Variants in COL24A1 observed in about 807,000 individuals in gnomAD.
COL24A1 encodes collagen type XXIV alpha 1 chain.
Under a neutral mutation model 253.9 loss-of-function variants are expected in COL24A1, and 224 were observed. That is an observed-to-expected ratio of 0.88 (90% CI 0.79 to 0.99). The LOEUF is 0.99. COL24A1 is among the 50% of genes least tolerant of loss of function. The pLI is 0.00. For synonymous variants in COL24A1, 685 were observed against 673.7 expected (o/e 1.02, Z -0.26); for missense variants, 2,131 against 2,068.5 (o/e 1.03, Z -0.59).
intron 5 of COL24A1, among the ~76,000 whole-genome samples, chr1:86,109,934 C>T (rs1461084796): frequency 6.6e-6 from 1 of 152,138 alleles, no homozygotes; most frequent in Non-Finnish European, 1.5e-5. Flanking sequence ...TGTGATGACA[C>T]ATTGAGAAGG....
At chr1:85,813,433 A>AAG (rs1672742514) in intron 47 of COL24A1, among the ~76,000 whole-genome samples, 1 of 150,602 alleles carries the variant, frequency 6.6e-6, no homozygotes, top group South Asian at 2.1e-4. Flanking sequence ...GAAAAAAAAA[A>AAG]AAGAAGCCAA....
At chr1:86,149,394 T>A (rs1652414712) in intron 1 of COL24A1, among the ~76,000 whole-genome samples, 1 of 152,252 alleles carries the variant, frequency 6.6e-6, no homozygotes, top group Non-Finnish European at 1.5e-5. Flanking sequence ...ATTTAGAGCT[T>A]GAGTAAGGAG....
chr1:85,924,643 A>ATAAAC (rs1288394784), intron 24 of COL24A1, among the ~76,000 whole-genome samples: 1 of 152,214 alleles, frequency 6.6e-6, no homozygotes, highest in Non-Finnish European at 1.5e-5. Context: ...AAAACTCTCA[A>ATAAAC]TAAACTAGGT....
chr1:86,095,268 T>C (rs941240314), intron 5 of COL24A1, among the ~76,000 whole-genome samples: 2 of 152,092 alleles, frequency 1.3e-5, no homozygotes, highest in African/African-American at 4.8e-5. Flanking sequence ...AAGTAATCAA[T>C]TGAACAATAA....
intron 28 of COL24A1, among the ~76,000 whole-genome samples, chr1:85,905,289 C>G (rs1684693603): frequency 6.6e-6 from 1 of 152,042 alleles, no homozygotes; most frequent in African/African-American, 2.4e-5. Flanking sequence ...GACCAATATT[C>G]TCATTTTTTG....
rs1205624788 is a variant in COL24A1 at position 85,772,912 on chromosome 1, G to A, written c.4374+2762C>T. On this transcript the variant is annotated intron_variant, in intron 53 of 59. Coordinates refer to ENST00000370571, the MANE Select transcript of COL24A1 (RefSeq NM_152890.7). ...GTCAATTTTGGCTTTTGTTGTCATTGCTTTTGGTGTTTCAGAGATGAAGTC... is the reference window on the plus strand; with the variant it reads ...GTCAATTTTGGCTTTTGTTGTCATTACTTTTGGTGTTTCAGAGATGAAGTC... Among the ~76,000 whole-genome samples the A allele has an allele frequency of 3.3e-5, 5 of 152,104 alleles. No individual in the cohort carries two copies. In the East Asian group the frequency reaches 5.8e-4, roughly 18 times the overall value.
At chr1:85,817,074 A>C (rs941694325) in intron 46 of COL24A1, among the ~76,000 whole-genome samples, 179 bp from the exon 47 acceptor site, 5 of 152,186 alleles carry the variant, frequency 3.3e-5, no homozygotes, top group Non-Finnish European at 7.3e-5. Flanking sequence ...TAACTTTAAA[A>C]GTTTAAAAGC....
At chr1:86,026,464 A>G (rs1368295079) in intron 14 of COL24A1, among the ~76,000 whole-genome samples, 4 of 152,102 alleles carry the variant, frequency 2.6e-5, no homozygotes, top group African/African-American at 9.7e-5. Flanking sequence ...AGGCTCATGA[A>G]ATCTGATGGT....
chr1:85,925,031 GACAA>G (rs1420097912), intron 24 of COL24A1, among the ~76,000 whole-genome samples: 8 of 152,046 alleles, frequency 5.3e-5, no homozygotes, highest in African/African-American at 1.5e-4. Flanking sequence ...ACCAATAACA[GACAA>G]ACAGAGAGCC....
chr1:85,924,986 A>T (rs923280664), intron 24 of COL24A1, among the ~76,000 whole-genome samples: 2 of 152,232 alleles, frequency 1.3e-5, no homozygotes, highest in South Asian at 4.1e-4. Flanking sequence ...TTAGGATACA[A>T]AATCAATGTG....
intron 20 of COL24A1, among the ~76,000 whole-genome samples, chr1:85,980,554 A>T (rs1693149573): frequency 6.6e-6 from 1 of 152,224 alleles, no homozygotes; most frequent in Non-Finnish European, 1.5e-5. Flanking sequence ...CTGAGAATAA[A>T]AATCAAGAAC....
chr1:85,866,546 G>A (rs529589395), intron 37 of COL24A1, among the ~76,000 whole-genome samples: 78 of 152,134 alleles, frequency 5.1e-4, no homozygotes, highest in African/African-American at 1.7e-3. Flanking sequence ...GGCCGAGTCC[G>A]GTGGATCACT....
rs1558752713 is a variant in COL24A1, at chr1:85,945,019, T to TTTTG, written c.2562+16229_2562+16230insCAAA. 2.4e-3 allele frequency among the ~76,000 whole-genome samples: 176 copies of TTTTG among 73,316 alleles called. 1 individual carries two copies. Among genetic ancestry groups the TTTTG allele is most frequent in the East Asian group, 0.01 (17 of 1,664 alleles). 48.1% of individuals were successfully genotyped at this position (73,316 alleles called of 152,430 possible). ...ATCATTGTGTTTTTTTTTTTTTTTTTTTTTTTTTTTTTTTTTGAGACAGAG... is the reference window on the plus strand; with the variant it reads ...ATCATTGTGTTTTTTTTTTTTTTTTTTTTGTTTTTTTTTTTTTTTTGAGACAGAG... On this transcript the variant is annotated intron_variant, in intron 24 of 59. Coordinates refer to ENST00000370571, the MANE Select transcript of COL24A1 (RefSeq NM_152890.7).
intron 37 of COL24A1, among the ~76,000 whole-genome samples, chr1:85,864,474 T>C (rs61785082): frequency 1.3e-5 from 2 of 152,040 alleles, no homozygotes; most frequent in Non-Finnish European, 2.9e-5. Context: ...CACACCAACA[T>C]GGCACATGTA....
At chr1:85,793,572 G>A (rs1670517208) in intron 47 of COL24A1, among the ~76,000 whole-genome samples, 1 of 152,126 alleles carries the variant, frequency 6.6e-6, no homozygotes, top group South Asian at 2.1e-4. Context: ...AGTTGCTTGT[G>A]CCTCATCCTA....
At chr1:85,738,631 A>T (rs1007629200) in intron 57 of COL24A1, among the ~76,000 whole-genome samples, 3 of 152,240 alleles carry the variant, frequency 2.0e-5, no homozygotes, top group Non-Finnish European at 4.4e-5. Context: ...GTTTTCCTGC[A>T]TTAAAAACGC....
intron 24 of COL24A1, among the ~76,000 whole-genome samples, chr1:85,911,913 G>T (rs1685409837): frequency 1.3e-5 from 2 of 152,092 alleles, no homozygotes; most frequent in African/African-American, 2.4e-5. Context: ...TGGTTGCTAA[G>T]ATTTCATTAC....
At chr1:85,803,624 C>T (rs1644412860) in intron 47 of COL24A1, among the ~76,000 whole-genome samples, 2 of 151,610 alleles carry the variant, frequency 1.3e-5, no homozygotes, top group South Asian at 4.2e-4. Flanking sequence ...TAATATTTCA[C>T]ATTCTGATAC....
chr1:85,764,259 C>A (rs1409568682), intron 53 of COL24A1, among the ~76,000 whole-genome samples: 2 of 151,958 alleles, frequency 1.3e-5, no homozygotes, highest in East Asian at 1.9e-4. Flanking sequence ...GGTAGGGGGA[C>A]AAATGGCTCC....
Sources: gnomAD v4.1 joint callset for allele counts (sites outside exome capture counted in the v4.1 genomes callset) on GRCh38, gnomAD v4.1.1 for gene constraint, MANE v1.5 for transcripts, NCBI Gene and HGNC (gene_info 2026-07-23, HGNC 2026-07-21) for gene names.